CMIP: variants seen among roughly 807,000 people sequenced by gnomAD.
CMIP encodes the protein C-Maf-inducing protein.
In CMIP, 13 loss-of-function variants were observed where a neutral mutation model predicts 97.3. That is an observed-to-expected ratio of 0.13 (90% CI 0.09 to 0.21). The LOEUF is 0.21. CMIP is among the 10% of genes least tolerant of loss of function. The pLI, the probability that CMIP is intolerant of heterozygous loss-of-function variation, is 1.00. For missense variants in CMIP, 847 were observed against 1,024.9 expected (o/e 0.83, Z 2.37); for synonymous variants, 538 against 436.3 (o/e 1.23, Z -2.91).
At chr16:81,650,560 C>T (rs1168941155) in intron 3 of CMIP, among the ~76,000 whole-genome samples, 1 of 151,940 alleles carries the variant, frequency 6.6e-6, no homozygotes, top group Non-Finnish European at 1.5e-5. Flanking sequence ...ATCAGAGGCC[C>T]CAGAAAATCA....
chr16:81,640,298 C>T (rs543405131), intron 3 of CMIP, among the ~76,000 whole-genome samples: 2 of 149,826 alleles, frequency 1.3e-5, no homozygotes, highest in Non-Finnish European at 3.0e-5. Context: ...CCCCCCCCCC[C>T]CAATTCCCCA....
chr16:81,480,055 G>A (rs1184853862), intron 1 of CMIP, among the ~76,000 whole-genome samples: 2 of 152,314 alleles, frequency 1.3e-5, no homozygotes, highest in East Asian at 3.9e-4. Flanking sequence ...CCCCAGAGAC[G>A]CTGATGGCTT....
chr16:81,517,962 G>T, intron 1 of CMIP: 1 of 972,136 alleles, frequency 1.0e-6, no homozygotes, highest in Non-Finnish European at 1.2e-6. Context: ...AACGCCAGTG[G>T]ATGTGTGGAA....
At chr16:81,521,069 C>CT (rs1468395530) in intron 1 of CMIP, among the ~76,000 whole-genome samples, 3 of 152,216 alleles carry the variant, frequency 2.0e-5, no homozygotes, top group African/African-American at 7.2e-5. Flanking sequence ...CAGGAATGTG[C>CT]TTTATACAAG....
At chr16:81,667,799 A>AGAGAGAGTGTGTGTGT in intron 7 of CMIP, among the ~76,000 whole-genome samples, 49 of 58,128 alleles carry the variant, frequency 8.4e-4, no homozygotes, top group Non-Finnish European at 1.2e-3. Context: ...AGAGAGAGAG[A>AGAGAGAGTGTGTGTGT]GTGTGTGTGT....
At chr16:81,650,674 G>A (rs1393308897) in intron 3 of CMIP, among the ~76,000 whole-genome samples, 2 of 152,122 alleles carry the variant, frequency 1.3e-5, no homozygotes, top group African/African-American at 4.8e-5. Flanking sequence ...TTCAGTCTCA[G>A]CGTTCCTTTT....
rs1453627370 is a variant in CMIP, at chr16:81,652,637, C to G, written c.639+273C>G. 6.6e-6 allele frequency among the ~76,000 whole-genome samples: 1 copy of G among 152,210 alleles called. No homozygotes were observed. The highest frequency in any genetic ancestry group is 1.5e-5 in the Non-Finnish European group (1 of 68,038). On this transcript the variant is annotated intron_variant, in intron 4 of 20. Coordinates refer to ENST00000537098, the MANE Select transcript of CMIP (RefSeq NM_198390.3). The surrounding 1 kb of genome is among the most constrained non-coding windows in gnomAD (Gnocchi z 5.2). Reference sequence around the variant, plus strand: ...TGAGAGCCAGTAGTCCCATCCCCATCTCTGTCTTCCCCTAGCAGTGGCCCA... The same window carrying G: ...TGAGAGCCAGTAGTCCCATCCCCATGTCTGTCTTCCCCTAGCAGTGGCCCA...
At chr16:81,709,630 A>G (rs1908537569) in intron 20 of CMIP, 116 bp from the exon 21 acceptor site, 1 of 1,154,224 alleles carries the variant, frequency 8.7e-7, no homozygotes, top group Non-Finnish European at 1.3e-6. Flanking sequence ...CCACAGCACC[A>G]AGGTGGGGAG....
chr16:81,705,859 A>G lies in CMIP; in HGVS notation c.2197+255A>G, dbSNP rs1397925159. 2.6e-5 allele frequency among the ~76,000 whole-genome samples: 4 copies of G among 152,376 alleles called. 1 individual carries two copies. Among genetic ancestry groups the G allele is most frequent in the East Asian group, 3.9e-4 (2 of 5,188 alleles). On this transcript the variant is annotated intron_variant, in intron 19 of 20. Transcript: ENST00000537098. ...TAGAAAAAATGAGTAAGGCCAGCCC[A>G]TAGCCTCTTGACACTCACAGTCCAC... is the stretch of plus-strand genomic sequence containing the variant.
chr16:81,546,960 C>A (rs2090558518), intron 1 of CMIP, among the ~76,000 whole-genome samples: 1 of 152,150 alleles, frequency 6.6e-6, no homozygotes, highest in African/African-American at 2.4e-5. Context: ...CGCGAGAGCT[C>A]CCTGGATGGT....
At chr16:81,575,007 C>T (rs980197724) in intron 1 of CMIP, among the ~76,000 whole-genome samples, 1 of 152,230 alleles carries the variant, frequency 6.6e-6, no homozygotes, top group Admixed American at 6.5e-5. Flanking sequence ...GGGATGGATA[C>T]TCATTGCTCC....
rs1908795774 is a variant in CMIP at position 81,711,678 on chromosome 16, G to A, written c.*1879G>A. 1 of 152,106 alleles carries A rather than the reference G, an allele frequency of 6.6e-6. No homozygotes were observed. Among genetic ancestry groups the A allele is most frequent in the Non-Finnish European group, 1.5e-5 (1 of 67,976 alleles). The allele number at this position is 152,106 out of a possible 1,614,324, so 9.4% of individuals were successfully genotyped here. The stretch of plus-strand genomic sequence containing the variant: ...TTCCCCTCGCACTGTTGCTTTTCCT[G>A]ATGGTTAATACTACTGTCACGTAGC... On this transcript the variant is annotated 3_prime_UTR_variant, in exon 21 of 21. Coordinates refer to ENST00000537098, the MANE Select transcript of CMIP (RefSeq NM_198390.3).
chr16:81,643,076 T>C (rs1238971931), intron 3 of CMIP, among the ~76,000 whole-genome samples: 1 of 152,170 alleles, frequency 6.6e-6, no homozygotes, highest in Non-Finnish European at 1.5e-5. Flanking sequence ...CACAACAGTT[T>C]TGGCAGACAC....
At chr16:81,679,175 A>G (rs1241153698) in intron 10 of CMIP, among the ~76,000 whole-genome samples, 1 of 152,136 alleles carries the variant, frequency 6.6e-6, no homozygotes, top group Non-Finnish European at 1.5e-5. Flanking sequence ...TGTGGGTGCG[A>G]CAGCACACGT....
chr16:81,480,490 A>G (rs1908192230), intron 1 of CMIP, among the ~76,000 whole-genome samples: 1 of 152,236 alleles, frequency 6.6e-6, no homozygotes, highest in African/African-American at 2.4e-5. Flanking sequence ...CAGTGAGCCA[A>G]GATCGTGCCA....
intron 1 of CMIP, among the ~76,000 whole-genome samples, chr16:81,489,276 C>G (rs924106697): frequency 1.3e-5 from 2 of 152,114 alleles, no homozygotes; most frequent in Admixed American, 1.3e-4. Context: ...GAGGTGACTT[C>G]TATGTGCACA....
At chr16:81,547,206 T>TA (rs2090564453) in intron 1 of CMIP, among the ~76,000 whole-genome samples, 1 of 151,994 alleles carries the variant, frequency 6.6e-6, no homozygotes, top group Non-Finnish European at 1.5e-5. Context: ...GGGAAGCACA[T>TA]ATGTCAAGGC....
At chr16:81,674,997 C>T (rs558955547) in intron 9 of CMIP, among the ~76,000 whole-genome samples, 1 of 152,164 alleles carries the variant, frequency 6.6e-6, no homozygotes, top group African/African-American at 2.4e-5. Flanking sequence ...AAAAGGGTGC[C>T]CAGGACCCTC....
chr16:81,514,676 C>A (rs998750681), intron 1 of CMIP, among the ~76,000 whole-genome samples: 5 of 152,190 alleles, frequency 3.3e-5, no homozygotes, highest in Admixed American at 1.3e-4. Flanking sequence ...GTCATGGCTT[C>A]ACCCCTTATA....
Sources: allele counts gnomAD v4.1 joint callset (sites outside exome capture counted in the v4.1 genomes callset), GRCh38; gene constraint gnomAD v4.1.1; non-coding constraint Gnocchi (gnomAD v3.1); transcripts MANE v1.5; gene names NCBI Gene and HGNC (gene_info 2026-07-23, HGNC 2026-07-21).